MTDH: variants seen among roughly 807,000 people sequenced by gnomAD.
MTDH encodes metadherin.
A neutral mutation model predicts 72.7 loss-of-function variants in MTDH; 34 were observed. That is an observed-to-expected ratio of 0.47 (90% CI 0.36 to 0.62). MTDH has a LOEUF of 0.62. MTDH is among the 20% of genes least tolerant of loss of function. MTDH has a pLI of 0.00. For synonymous variants in MTDH, 266 were observed against 268.9 expected, an observed-to-expected ratio of 0.99 and a Z score of 0.10; for missense variants, 677 against 699.4, an observed-to-expected ratio of 0.97 and a Z score of 0.36.
chr8:97,682,273 TATATA>T (rs1813162602), intron 2 of MTDH, among the ~76,000 whole-genome samples: 1 of 7,378 alleles, frequency 1.4e-4, no homozygotes, highest in African/African-American at 5.0e-4. Context: ...TATATATATA[TATATA>T]TATTTTTTTT....
chr8:97,697,150 A>ATATATTTTTTTTT, intron 6 of MTDH, among the ~76,000 whole-genome samples: 6 of 68,784 alleles, frequency 8.7e-5, no homozygotes, highest in African/African-American at 1.8e-4. Flanking sequence ...ATATATATAT[A>ATATATTTTTTTTT]TTTTTTTTTT....
At chr8:97,709,210 C>A (rs1255793752) in intron 8 of MTDH, among the ~76,000 whole-genome samples, 43 of 147,314 alleles carry the variant, frequency 2.9e-4, no homozygotes, top group African/African-American at 7.4e-4. Context: ...AAAAAAAAAA[C>A]CACCAGATAT....
chr8:97,699,920 C>CT, intron 7 of MTDH, 68 bp downstream of exon 7: 1 of 971,998 alleles, frequency 1.0e-6, no homozygotes. Context: ...TGAATTCATG[C>CT]TTTATGTTTT....
intron 11 of MTDH, 152 bp from the exon 12 acceptor site, chr8:97,724,448 T>G (rs2468004): frequency 1.8e-6 from 1 of 544,392 alleles, no homozygotes; most frequent in Non-Finnish European, 3.1e-6. Context: ...ATAGAATAAC[T>G]TAAAATATAT....
Position 97,691,042 on chromosome 8 carries a change from A to G in MTDH, c.902A>G (p.Glu301Gly). 6.2e-7 allele frequency: 1 copy of G among 1,614,174 alleles called. No individual in the cohort carries two copies. The highest frequency in any genetic ancestry group is 1.3e-5 in the African/African-American group (1 of 75,058). The change falls in exon 6 of 12, where the codon GAG becomes GGG. Residue 301 changes from glutamate to glycine, a missense_variant. Glu to Gly is a moderately conservative substitution (Grantham distance 98). This residue lies in a region of MTDH where 467 missense variants were observed against 469.1 expected (regional missense o/e 1.00). Transcript: ENST00000336273. ...CTCTCCTCACAGATCAGTGCAGGTG[A>G]GGAGAAGTGGAACTCCGTTTCACCT... ...VKLSSQISAGEEKWNSVSPAS... is the reference protein window; with the variant it reads ...VKLSSQISAGGEKWNSVSPAS...
At chr8:97,715,898 C>T (rs1814850278) in intron 9 of MTDH, among the ~76,000 whole-genome samples, 1 of 152,024 alleles carries the variant, frequency 6.6e-6, no homozygotes, top group Non-Finnish European at 1.5e-5. Context: ...TCTGATTATC[C>T]TTTTAAAAAT....
At chr8:97,717,393 G>C (rs1291768488) in intron 9 of MTDH, among the ~76,000 whole-genome samples, 1 of 152,164 alleles carries the variant, frequency 6.6e-6, no homozygotes, top group Admixed American at 6.5e-5. Context: ...TTATTTTGCT[G>C]AAACTTCATA....
chr8:97,679,551 T>C (rs995026974), intron 2 of MTDH, among the ~76,000 whole-genome samples: 1 of 152,192 alleles, frequency 6.6e-6, no homozygotes, highest in Non-Finnish European at 1.5e-5. Context: ...CATTTTGATC[T>C]TCTTACTTTT....
intron 7 of MTDH, among the ~76,000 whole-genome samples, chr8:97,704,731 G>A (rs1262463563): frequency 6.6e-6 from 1 of 151,590 alleles, no homozygotes; most frequent in East Asian, 1.9e-4. Context: ...TTCTGTGAGC[G>A]TTTTCCCAGA....
chr8:97,724,040 C>T (rs560266303), intron 11 of MTDH, among the ~76,000 whole-genome samples: 150 of 152,208 alleles, frequency 9.9e-4, no homozygotes, highest in African/African-American at 3.6e-3. Flanking sequence ...ACGCGGGAGG[C>T]GGAGGTTGTA....
At chr8:97,682,583 G>A (rs906781650) in intron 2 of MTDH, among the ~76,000 whole-genome samples, 1 of 151,614 alleles carries the variant, frequency 6.6e-6, no homozygotes, top group Non-Finnish European at 1.5e-5. Context: ...TCACAGGCGT[G>A]AGCCACCGCA....
At chr8:97,689,232 G>A in intron 5 of MTDH, 129 bp downstream of exon 5, 3 of 491,608 alleles carry the variant, frequency 6.1e-6, no homozygotes, top group Non-Finnish European at 3.7e-6. Flanking sequence ...AATTAATAAA[G>A]TAACATAATC....
chr8:97,726,016 G>A lies in MTDH; in HGVS notation c.*1346G>A, dbSNP rs527408478. ...CTTGTTTTTATGTGGCGCCAAGAACGAACCTGTTTAACAGCTGTAACCAAT... is the reference window on the plus strand; with the variant it reads ...CTTGTTTTTATGTGGCGCCAAGAACAAACCTGTTTAACAGCTGTAACCAAT... On this transcript the variant is annotated 3_prime_UTR_variant, in exon 12 of 12. Coordinates refer to ENST00000336273, the MANE Select transcript of MTDH (RefSeq NM_178812.4). 5.2e-5 allele frequency: 8 copies of A among 152,694 alleles called. No individual in the cohort carries two copies. The highest frequency in any genetic ancestry group is 2.1e-4 in the South Asian group (1 of 4,820). 9.5% of individuals were successfully genotyped at this position (152,694 alleles called of 1,614,324 possible).
At chr8:97,684,677 A>G (rs113665935) in intron 2 of MTDH, among the ~76,000 whole-genome samples, 4,579 of 152,326 alleles carry the variant, frequency 0.03, 95 homozygotes, top group Non-Finnish European at 0.045. Context: ...AAGAGCGGCT[A>G]TGGTAAAGAC....
intron 2 of MTDH, among the ~76,000 whole-genome samples, chr8:97,685,208 CTAGTT>C (rs1165276187): frequency 2.0e-5 from 3 of 151,286 alleles, no homozygotes; most frequent in East Asian, 1.9e-4. Flanking sequence ...GGATATGAGT[CTAGTT>C]TAGTACATGT....
At chr8:97,705,473 G>A (rs1005468072) in intron 7 of MTDH, among the ~76,000 whole-genome samples, 4 of 152,056 alleles carry the variant, frequency 2.6e-5, no homozygotes, top group Admixed American at 6.6e-5. Flanking sequence ...GGTGGCGCAT[G>A]CCTGTAATCC....
chr8:97,701,030 A>G (rs761400529), intron 7 of MTDH, among the ~76,000 whole-genome samples: 7 of 152,226 alleles, frequency 4.6e-5, no homozygotes, highest in Non-Finnish European at 1.0e-4. Flanking sequence ...TAGCTTAGAC[A>G]GTAGATACGA....
chr8:97,708,196 C>T (rs1814442879), intron 8 of MTDH, among the ~76,000 whole-genome samples: 1 of 149,350 alleles, frequency 6.7e-6, no homozygotes, highest in South Asian at 2.1e-4. Context: ...AACTCCTGAC[C>T]TCAAGTGATC....
chr8:97,668,514 A>C (rs1443903648), intron 2 of MTDH, among the ~76,000 whole-genome samples: 1 of 152,132 alleles, frequency 6.6e-6, no homozygotes, highest in Non-Finnish European at 1.5e-5. Context: ...ATGTAATAGA[A>C]TATGGAAAGT....
Sources: allele counts gnomAD v4.1 joint callset (sites outside exome capture counted in the v4.1 genomes callset), GRCh38; gene constraint gnomAD v4.1.1; regional missense constraint gnomAD v4.1.1; transcripts MANE v1.5; gene names NCBI Gene and HGNC (gene_info 2026-07-23, HGNC 2026-07-21).